BMP7: variants seen among roughly 807,000 people sequenced by gnomAD.
The protein encoded by BMP7 is osteogenic protein 1.
A neutral mutation model predicts 41.2 loss-of-function variants in BMP7; 12 were observed. The observed-to-expected ratio is 0.29, with a 90% CI of 0.19 to 0.47. The LOEUF is 0.47. Among genes scored for constraint, BMP7 ranks in the 20% least tolerant of loss-of-function variants. The probability of loss-of-function intolerance (pLI) is 0.99; values close to 1 mark genes in which losing one functional copy is unlikely to be tolerated. For missense variants in BMP7, 467 were observed against 606.0 expected, an observed-to-expected ratio of 0.77 and a Z score of 2.41; for synonymous variants, 248 against 250.0, an observed-to-expected ratio of 0.99 and a Z score of 0.07.
At chr20:57,188,253 G>T (rs1329096684) in intron 3 of BMP7, among the ~76,000 whole-genome samples, 1 of 152,182 alleles carries the variant, frequency 6.6e-6, no homozygotes, top group Non-Finnish European at 1.5e-5. Context: ...CCATATAGTG[G>T]AATATTGTTT....
At chr20:57,208,864 A>G (rs1984805537) in intron 2 of BMP7, among the ~76,000 whole-genome samples, 1 of 152,232 alleles carries the variant, frequency 6.6e-6, no homozygotes, top group African/African-American at 2.4e-5. Context: ...TTTCTATGAA[A>G]TGTCCCAAAT....
chr20:57,175,907 T>A (rs1300675555), intron 4 of BMP7, among the ~76,000 whole-genome samples: 1 of 152,230 alleles, frequency 6.6e-6, no homozygotes, highest in Non-Finnish European at 1.5e-5. Flanking sequence ...GGCTCTTGCA[T>A]GTGCCGTTTC....
chr20:57,230,479 G>A (rs2066025004), intron 1 of BMP7, among the ~76,000 whole-genome samples: 1 of 151,824 alleles, frequency 6.6e-6, no homozygotes, highest in African/African-American at 2.4e-5. Flanking sequence ...AGCAGCCCGA[G>A]GAAGTGAGTA....
chr20:57,184,043 T>G, intron 3 of BMP7, 124 bp from the exon 4 acceptor site: 1 of 1,153,834 alleles, frequency 8.7e-7, no homozygotes, highest in Non-Finnish European at 1.3e-6. Flanking sequence ...ATCCAGTAAG[T>G]ATTTATTGAG....
chr20:57,230,924 G>C (rs895484513), intron 1 of BMP7, among the ~76,000 whole-genome samples: 4 of 151,940 alleles, frequency 2.6e-5, no homozygotes, highest in African/African-American at 9.7e-5. Flanking sequence ...TGATCCACCT[G>C]CCTCGGCCTC....
At chr20:57,211,401 C>T (rs377086635) in intron 2 of BMP7, among the ~76,000 whole-genome samples, 7 of 152,096 alleles carry the variant, frequency 4.6e-5, no homozygotes, top group East Asian at 1.9e-4. Context: ...CAGGAGAGGA[C>T]GGGGCTGGCC....
chr20:57,213,643 G>T lies in BMP7; in HGVS notation c.612-11020C>A, dbSNP rs970846310. ...AAATGGAAGGCTCTCCCTCATTAGA[G>T]ACACAGCCACCAGCAGAGACAATCA... On this transcript the variant is annotated intron_variant, in intron 2 of 6. Transcript: ENST00000395863. This position sits in a 1 kb window ranked among gnomAD's most constrained non-coding sequence, Gnocchi z 4.4. Among the ~76,000 whole-genome samples the T allele has an allele frequency of 5.9e-5, 9 of 152,206 alleles. No homozygotes were observed. The highest frequency in any genetic ancestry group is 3.3e-4 in the Admixed American group (5 of 15,284).
intron 2 of BMP7, among the ~76,000 whole-genome samples, chr20:57,212,368 G>A (rs889924849): frequency 6.6e-6 from 1 of 152,210 alleles, no homozygotes; most frequent in Non-Finnish European, 1.5e-5. Context: ...CAGGGCCTCT[G>A]GCCGCGGGAG....
rs1197651707 is a variant in BMP7, at chr20:57,213,327, A to C, written c.612-10704T>G. On this transcript the variant is annotated intron_variant, in intron 2 of 6. Transcript: ENST00000395863. The surrounding 1 kb of genome is among the most constrained non-coding windows in gnomAD (Gnocchi z 4.4). Reference sequence around the variant, plus strand: ...TCCATCCACAAGACAAAGGGTTTGGAGTTTATCAAGGTCTCAAAAACTGCA... The same window carrying C: ...TCCATCCACAAGACAAAGGGTTTGGCGTTTATCAAGGTCTCAAAAACTGCA... Among the ~76,000 whole-genome samples the C allele has an allele frequency of 1.3e-5, 2 of 152,206 alleles. No homozygotes were observed. Among genetic ancestry groups the C allele is most frequent in the Non-Finnish European group, 2.9e-5 (2 of 68,040 alleles).
intron 1 of BMP7, among the ~76,000 whole-genome samples, chr20:57,253,557 C>T (rs777904020): frequency 3.9e-5 from 6 of 151,950 alleles, no homozygotes; most frequent in Non-Finnish European, 7.4e-5. Flanking sequence ...TTAATGGGTC[C>T]GTAGATTGAT....
At chr20:57,212,469 G>C (rs1225189215) in intron 2 of BMP7, among the ~76,000 whole-genome samples, 1 of 152,174 alleles carries the variant, frequency 6.6e-6, no homozygotes, top group Non-Finnish European at 1.5e-5. Flanking sequence ...CAGCTGACTC[G>C]CTCCCCGACC....
At chr20:57,195,065 G>T (rs1372276314) in intron 3 of BMP7, among the ~76,000 whole-genome samples, 4 of 152,204 alleles carry the variant, frequency 2.6e-5, no homozygotes, top group African/African-American at 9.7e-5. Flanking sequence ...TGAGGACAGG[G>T]CCCAGCCGTG....
At chr20:57,173,558 G>A in intron 5 of BMP7, 1 of 589,516 alleles carries the variant, frequency 1.7e-6, no homozygotes, top group Non-Finnish European at 3.0e-6. Context: ...TAGACTGAGT[G>A]GGAAGACGGC....
chr20:57,242,629 G>T (rs774290718), intron 1 of BMP7, among the ~76,000 whole-genome samples: 1 of 152,240 alleles, frequency 6.6e-6, no homozygotes, highest in Non-Finnish European at 1.5e-5. Flanking sequence ...ACTGAGACAC[G>T]TGGGGCTACT....
At chr20:57,227,305 T>C (rs2066011150) in intron 2 of BMP7, among the ~76,000 whole-genome samples, 1 of 152,166 alleles carries the variant, frequency 6.6e-6, no homozygotes, top group South Asian at 2.1e-4. Flanking sequence ...ACTGTGAATA[T>C]GAAACAAGAT....
At chr20:57,233,251 C>T (rs2066035627) in intron 1 of BMP7, among the ~76,000 whole-genome samples, 1 of 152,108 alleles carries the variant, frequency 6.6e-6, no homozygotes, top group Non-Finnish European at 1.5e-5. Flanking sequence ...CCAGTTACAT[C>T]CCAGCACCCC....
chr20:57,170,872 G>A lies in BMP7; in HGVS notation c.*87C>T. On this transcript the variant is annotated 3_prime_UTR_variant, in exon 7 of 7. Transcript: ENST00000395863. ...ATAGGGAGGGGAAGGTCTCACAAAAGGCAGTTGGTCTGCTGGTTCCTGGCC... is the reference window on the plus strand; with the variant it reads ...ATAGGGAGGGGAAGGTCTCACAAAAAGCAGTTGGTCTGCTGGTTCCTGGCC... 1 of 1,540,258 alleles carries A rather than the reference G, an allele frequency of 6.5e-7. No homozygotes were observed. The highest frequency in any genetic ancestry group is 1.2e-5 in the South Asian group (1 of 86,572).
chr20:57,184,473 G>A (rs1254210836), intron 3 of BMP7, among the ~76,000 whole-genome samples: 1 of 152,114 alleles, frequency 6.6e-6, no homozygotes, highest in Admixed American at 6.5e-5. Flanking sequence ...GAGCAAGGAG[G>A]GTGTGTTCAA....
At chr20:57,201,851 A>G (rs1276827586) in intron 3 of BMP7, among the ~76,000 whole-genome samples, 2 of 152,176 alleles carry the variant, frequency 1.3e-5, no homozygotes, top group Non-Finnish European at 2.9e-5. Context: ...AAGGAGGCAG[A>G]ACTGTAGTGG....
Sources: allele counts gnomAD v4.1 joint callset (sites outside exome capture counted in the v4.1 genomes callset), GRCh38; gene constraint gnomAD v4.1.1; non-coding constraint Gnocchi (gnomAD v3.1); transcripts MANE v1.5; gene names NCBI Gene and HGNC (gene_info 2026-07-23, HGNC 2026-07-21).